EHMT1: variants seen among roughly 807,000 people sequenced by gnomAD.
EHMT1 encodes the protein histone-lysine N-methyltransferase EHMT1.
EHMT1 carries 15 observed loss-of-function variants against 147.2 expected under a neutral mutation model. That is an observed-to-expected ratio of 0.10 (90% confidence interval 0.07 to 0.16). The LOEUF is 0.16. Among genes scored for constraint, EHMT1 ranks in the 10% least tolerant of loss-of-function variants. EHMT1 has a pLI of 1.00. For synonymous variants in EHMT1, 795 were observed against 709.6 expected (o/e 1.12, Z -1.91); for missense variants, 1,587 against 1,772.4 (o/e 0.90, Z 1.88).
At chr9:137,778,106 G>A (rs769347213) in intron 13 of EHMT1, 51 bp downstream of exon 13, 2 of 1,610,170 alleles carry the variant, frequency 1.2e-6, no homozygotes, top group South Asian at 2.2e-5. Flanking sequence ...GTTTTAATCT[G>A]CACCCCGCGT....
chr9:137,739,227 G>A (rs1428086295), intron 4 of EHMT1, among the ~76,000 whole-genome samples: 4 of 151,852 alleles, frequency 2.6e-5, no homozygotes, highest in East Asian at 1.9e-4. Flanking sequence ...AAAATTAGCC[G>A]GGCGTGGTGG....
intron 7 of EHMT1, 124 bp from the exon 8 acceptor site, chr9:137,754,047 A>G: frequency 6.6e-7 from 1 of 1,513,660 alleles, no homozygotes; most frequent in Non-Finnish European, 9.2e-7. Context: ...AGTTAAGTTC[A>G]CCGTTTAATT....
chr9:137,672,922 AATTT>A (rs1456369898), intron 1 of EHMT1, among the ~76,000 whole-genome samples: 2 of 152,194 alleles, frequency 1.3e-5, no homozygotes, highest in African/African-American at 2.4e-5. Context: ...GATTGCAGAG[AATTT>A]ATTAATATTA....
chr9:137,744,724 C>G (rs1445846336), intron 6 of EHMT1, among the ~76,000 whole-genome samples: 4 of 152,260 alleles, frequency 2.6e-5, no homozygotes, highest in African/African-American at 9.6e-5. Context: ...CTTTGCGTGG[C>G]CTGCCACCTT....
chr9:137,623,886 A>G (rs1351281576), intron 1 of EHMT1, among the ~76,000 whole-genome samples: 1 of 151,914 alleles, frequency 6.6e-6, no homozygotes, highest in African/African-American at 2.4e-5. Context: ...GTTCAATGAT[A>G]GTTCTCTGCA....
Position 137,782,976 on chromosome 9 carries a change from T to A in EHMT1, c.2382+579T>A, listed in dbSNP as rs991949391. 2.6e-5 allele frequency among the ~76,000 whole-genome samples: 4 copies of A among 152,198 alleles called. No individual in the cohort carries two copies. Among genetic ancestry groups the A allele is most frequent in the African/African-American group, 9.7e-5 (4 of 41,444 alleles). On this transcript the variant is annotated intron_variant, in intron 15 of 26. Coordinates refer to ENST00000460843, the MANE Select transcript of EHMT1 (RefSeq NM_024757.5). This position sits in a 1 kb window ranked among gnomAD's most constrained non-coding sequence, Gnocchi z 5.7. Reference sequence around the variant, plus strand: ...CCCCTTCCCTGATCCCGGTGTTGGATCCCCTGTTTCTCAAGTGCCAGGTTT... The same window carrying A: ...CCCCTTCCCTGATCCCGGTGTTGGAACCCCTGTTTCTCAAGTGCCAGGTTT...
At chr9:137,735,956 CAG>C (rs1339983431) in intron 4 of EHMT1, among the ~76,000 whole-genome samples, 2 of 152,126 alleles carry the variant, frequency 1.3e-5, no homozygotes, top group Non-Finnish European at 2.9e-5. Context: ...CCACCAGACT[CAG>C]GAGACAAATC....
intron 16 of EHMT1, among the ~76,000 whole-genome samples, chr9:137,797,811 G>A (rs949755928): frequency 6.6e-6 from 1 of 152,054 alleles, no homozygotes; most frequent in Non-Finnish European, 1.5e-5. Flanking sequence ...GTTAAGTGGA[G>A]ACAGGAACAG....
chr9:137,629,436 C>G (rs1843475882), intron 1 of EHMT1, among the ~76,000 whole-genome samples: 1 of 151,616 alleles, frequency 6.6e-6, no homozygotes, highest in Non-Finnish European at 1.5e-5. Context: ...CTCTGTTGCC[C>G]AGGCTGGAGT....
At chr9:137,771,888 G>A (rs1326087906) in intron 10 of EHMT1, among the ~76,000 whole-genome samples, 2 of 152,082 alleles carry the variant, frequency 1.3e-5, no homozygotes, top group Non-Finnish European at 2.9e-5. Context: ...GCTCAGGAGC[G>A]GGGCCCACAG....
rs372230459 is a variant in EHMT1 at position 137,716,801 on chromosome 9, A to G, written c.261A>G (p.Thr87=). ...TCAACCCCCAGGATGGCACCAACAC[A>G]CTAACTCGGATAGCGGAAAATGGGG... is the stretch of plus-strand genomic sequence containing the variant. ...ARVNPQDGTN[T]LTRIAENGVS... is the part of the protein sequence containing the mutation. The change falls in exon 3 of 27, where the codon ACA becomes ACG. Residue 87 remains threonine, a synonymous_variant. Transcript: ENST00000460843. 3.7e-6 allele frequency: 6 copies of G among 1,613,188 alleles called. No homozygotes were observed. In the African/African-American group the frequency reaches 5.3e-5, roughly 14 times the overall value.
chr9:137,787,671 G>T lies in EHMT1; in HGVS notation c.2383-3177G>T, dbSNP rs1291332681. The T allele has an allele frequency of 1.6e-6, 1 of 636,702 alleles. No individual in the cohort carries two copies. Among genetic ancestry groups the T allele is most frequent in the Non-Finnish European group, 2.8e-6 (1 of 361,074 alleles). 39.4% of individuals were successfully genotyped at this position (636,702 alleles called of 1,614,324 possible). A position where few individuals can be genotyped will look rare whatever the true frequency, so the allele number is the denominator to read the frequency against. On this transcript the variant is annotated intron_variant, in intron 15 of 26. Transcript: ENST00000460843. The surrounding 1 kb of genome is among the most constrained non-coding windows in gnomAD (Gnocchi z 4.2). ...GGGGCCTGTCTTAAGAGCCTCACAG[G>T]CTGCACCGGGAGAGCAGCCCGCCTG... is the stretch of plus-strand genomic sequence containing the variant.
chr9:137,808,677 G>A (rs1239565203), intron 18 of EHMT1, among the ~76,000 whole-genome samples: 1 of 100,696 alleles, frequency 9.9e-6, no homozygotes, highest in Admixed American at 9.3e-5. Flanking sequence ...GGCGGGGGGT[G>A]GGGGGGGCGC....
chr9:137,799,739 C>T (rs1953288404), intron 17 of EHMT1, among the ~76,000 whole-genome samples: 1 of 152,258 alleles, frequency 6.6e-6, no homozygotes, highest in African/African-American at 2.4e-5. Flanking sequence ...CGCCCAGCTT[C>T]TGTGCCCTCT....
chr9:137,628,406 T>A (rs1843404373), intron 1 of EHMT1, among the ~76,000 whole-genome samples: 1 of 152,240 alleles, frequency 6.6e-6, no homozygotes, highest in Non-Finnish European at 1.5e-5. Flanking sequence ...TTTTTCTTTT[T>A]TTAAAATTAC....
chr9:137,696,873 G>A (rs1257315385), intron 1 of EHMT1, among the ~76,000 whole-genome samples: 3 of 152,154 alleles, frequency 2.0e-5, no homozygotes, highest in East Asian at 3.9e-4. Flanking sequence ...GCATGCCTGC[G>A]TCTTCCTTCC....
chr9:137,754,642 A>G (rs570869740), intron 8 of EHMT1, among the ~76,000 whole-genome samples: 1 of 152,182 alleles, frequency 6.6e-6, no homozygotes, highest in East Asian at 1.9e-4. Flanking sequence ...CTCCCCAAGA[A>G]GCTGGGACTA....
chr9:137,692,605 G>A (rs1943038461), intron 1 of EHMT1, among the ~76,000 whole-genome samples: 1 of 151,944 alleles, frequency 6.6e-6, no homozygotes, highest in African/African-American at 2.4e-5. Flanking sequence ...TTTTTACTTA[G>A]AAAGGAGTTT....
At chr9:137,648,896 A>G (rs1174706913) in intron 1 of EHMT1, among the ~76,000 whole-genome samples, 1 of 152,114 alleles carries the variant, frequency 6.6e-6, no homozygotes, top group Non-Finnish European at 1.5e-5. Context: ...CCAAGCCACC[A>G]CAGTGCCCTG....
Sources: allele counts gnomAD v4.1 joint callset (sites outside exome capture counted in the v4.1 genomes callset), GRCh38; gene constraint gnomAD v4.1.1; non-coding constraint Gnocchi (gnomAD v3.1); transcripts MANE v1.5; gene names NCBI Gene and HGNC (gene_info 2026-07-23, HGNC 2026-07-21).